ZNF644: variants seen among roughly 807,000 people sequenced by gnomAD.
The protein encoded by ZNF644 is zinc finger protein 644.
Under a neutral mutation model 108.0 loss-of-function variants are expected in ZNF644, and 20 were observed. The observed-to-expected ratio is 0.19, with a 90% CI of 0.13 to 0.27. The LOEUF is 0.27. ZNF644 is among the 10% of genes least tolerant of loss of function. ZNF644 has a pLI of 1.00. For missense variants in ZNF644, 1,338 were observed against 1,548.9 expected (o/e 0.86, Z 2.29); for synonymous variants, 542 against 539.1 (o/e 1.01, Z -0.08).
At chr1:90,989,599 C>CA (rs1175373796) in intron 1 of ZNF644, among the ~76,000 whole-genome samples, 2 of 152,060 alleles carry the variant, frequency 1.3e-5, no homozygotes, top group African/African-American at 4.8e-5. Context: ...TCAGAGAATG[C>CA]AAATCTAAAC....
intron 1 of ZNF644, among the ~76,000 whole-genome samples, chr1:91,008,231 A>G (rs1232362049): frequency 1.3e-5 from 2 of 152,164 alleles, no homozygotes; most frequent in Non-Finnish European, 2.9e-5. Context: ...AATGTCAAAG[A>G]AGAAAACTTG....
intron 1 of ZNF644, among the ~76,000 whole-genome samples, chr1:91,000,735 T>C (rs1471361611): frequency 1.3e-5 from 2 of 152,008 alleles, no homozygotes; most frequent in Non-Finnish European, 2.9e-5. Flanking sequence ...AAAAAATCAA[T>C]GAATCCAGGA....
At position 90,940,189 on chromosome 1, in the gene ZNF644, T is replaced by C. The variant is rs1286883479; in HGVS notation, c.1165A>G (p.Lys389Glu). 2 of 1,613,870 alleles carry C rather than the reference T, an allele frequency of 1.2e-6. No homozygotes were observed. The highest frequency in any genetic ancestry group is 1.7e-6 in the Non-Finnish European group (2 of 1,179,934). ...TSTFLSNTLK[K>E]KCEESDSESP... ...TCAGAATCACTCTCTTCACATTTCTTTTTTAAGGTATTTGAAAGAAAAGTG... is the reference window on the plus strand; with the variant it reads ...TCAGAATCACTCTCTTCACATTTCTCTTTTAAGGTATTTGAAAGAAAAGTG... Residue 389 changes from lysine (K) to glutamate (E), a missense_variant, in exon 3 of 6, where the codon AAG becomes GAG. Transcript: ENST00000337393.
chr1:90,970,626 C>T (rs1655353817), intron 2 of ZNF644, among the ~76,000 whole-genome samples: 1 of 152,040 alleles, frequency 6.6e-6, no homozygotes, highest in South Asian at 2.1e-4. Flanking sequence ...TCTCCTTTGA[C>T]ATTGTAAAGT....
chr1:90,945,084 T>A (rs557623781), intron 2 of ZNF644, among the ~76,000 whole-genome samples: 1 of 152,252 alleles, frequency 6.6e-6, no homozygotes, highest in Admixed American at 6.5e-5. Flanking sequence ...AACAGAGACA[T>A]CAATACCAGT....
intron 2 of ZNF644, among the ~76,000 whole-genome samples, chr1:90,958,571 A>G (rs1478998831): frequency 2.0e-5 from 3 of 152,256 alleles, no homozygotes; most frequent in African/African-American, 4.8e-5. Context: ...ATTTCAGAAC[A>G]CTGATTACAA....
chr1:90,999,586 C>T (rs1212875013), intron 1 of ZNF644, among the ~76,000 whole-genome samples: 1 of 152,128 alleles, frequency 6.6e-6, no homozygotes, highest in Non-Finnish European at 1.5e-5. Context: ...CAAAAACATG[C>T]CCAATTGTAA....
At chr1:90,917,959 C>T in intron 5 of ZNF644, 93 bp downstream of exon 5, 2 of 1,065,208 alleles carry the variant, frequency 1.9e-6, no homozygotes, top group Non-Finnish European at 2.9e-6. Flanking sequence ...AGAATGCACT[C>T]TGCCACAAAT....
chr1:90,971,620 A>G (rs1003708141), intron 2 of ZNF644, among the ~76,000 whole-genome samples: 6 of 152,084 alleles, frequency 3.9e-5, no homozygotes, highest in Non-Finnish European at 7.4e-5. Context: ...GGATTTCACC[A>G]TATTGACTAG....
chr1:90,962,000 T>G (rs2101137100), intron 2 of ZNF644, among the ~76,000 whole-genome samples: 1 of 152,142 alleles, frequency 6.6e-6, no homozygotes, highest in East Asian at 1.9e-4. Context: ...ACAAATAACC[T>G]GACATAATCA....
At chr1:90,922,212 T>G (rs1649527892) in intron 4 of ZNF644, among the ~76,000 whole-genome samples, 1 of 152,162 alleles carries the variant, frequency 6.6e-6, no homozygotes, top group Admixed American at 6.5e-5. Context: ...GTATTTTTAT[T>G]TGTAATCATT....
chr1:90,915,694 T>C lies in ZNF644; in HGVS notation c.*1104A>G, dbSNP rs1346693758. On this transcript the variant is annotated 3_prime_UTR_variant, in exon 6 of 6. Transcript: ENST00000337393. ...AATTCTGTTATGTCGGTTCTTAGCA[T>C]GAGCATAGTGTTACACGATTTTCGT... The C allele has an allele frequency of 2.0e-5, 3 of 152,644 alleles. No homozygotes were observed. The highest frequency in any genetic ancestry group is 1.3e-4 in the Admixed American group (2 of 15,288). The allele number at this position is 152,644 out of a possible 1,614,324, so 9.5% of individuals were successfully genotyped here. A position where few individuals can be genotyped will look rare whatever the true frequency, so the allele number is the denominator to read the frequency against.
chr1:90,922,229 T>C (rs1294900666), intron 4 of ZNF644, among the ~76,000 whole-genome samples: 5 of 152,192 alleles, frequency 3.3e-5, no homozygotes, highest in Non-Finnish European at 7.3e-5. Context: ...CATTCTCACC[T>C]GCCCAATAAC....
Position 90,982,304 on chromosome 1 carries a change from A to G in ZNF644, c.44+6T>C. 1 of 1,607,022 alleles carries G rather than the reference A, an allele frequency of 6.2e-7. No homozygotes were observed. The highest frequency in any genetic ancestry group is 2.2e-5 in the East Asian group (1 of 44,686). On this transcript the variant is annotated splice_donor_region_variant and intron_variant, in intron 2 of 5. Coordinates refer to ENST00000337393, the MANE Select transcript of ZNF644 (RefSeq NM_201269.3). ...TGTACATTTAACAAAGCAGTCTTCT[A>G]CTTACCTAGATTTTGTCTTATTAAC...
intron 1 of ZNF644, among the ~76,000 whole-genome samples, chr1:90,999,619 A>G (rs1422068979): frequency 6.6e-6 from 1 of 152,218 alleles, no homozygotes; most frequent in African/African-American, 2.4e-5. Context: ...CAAGGAAGAA[A>G]CTGCATCAAC....
rs899540234 is a variant in ZNF644 at position 90,988,178 on chromosome 1, T to C, written c.-17-5808A>G. On this transcript the variant is annotated intron_variant, in intron 1 of 5. Coordinates refer to ENST00000337393, the MANE Select transcript of ZNF644 (RefSeq NM_201269.3). ...CTTAAATTTTCAAGAAAAAAAATGT[T>C]AGAAGTAATCATTTCAGCAAAGTTA... is the stretch of plus-strand genomic sequence containing the variant. Among the ~76,000 whole-genome samples the C allele has an allele frequency of 2.0e-5, 3 of 152,056 alleles. No homozygotes were observed. In the East Asian group the frequency reaches 5.8e-4, roughly 29 times the overall value.
intron 1 of ZNF644, among the ~76,000 whole-genome samples, chr1:91,016,229 AC>A (rs1660422112): frequency 1.3e-5 from 2 of 152,156 alleles, no homozygotes. Context: ...ATTGGGAATT[AC>A]CCCTCTCCTC....
chr1:90,963,933 T>A (rs1278099664), intron 2 of ZNF644, among the ~76,000 whole-genome samples: 1 of 152,108 alleles, frequency 6.6e-6, no homozygotes, highest in South Asian at 2.1e-4. Context: ...TTTAAATTTT[T>A]AAAAAGACAC....
At position 90,916,772 on chromosome 1, in the gene ZNF644, C is replaced by G; in HGVS notation, c.*26G>C. 1 of 1,612,000 alleles carries G rather than the reference C, an allele frequency of 6.2e-7. No homozygotes were observed. Among genetic ancestry groups the G allele is most frequent in the Non-Finnish European group, 8.5e-7 (1 of 1,178,436 alleles). ...ATTTCAAATTTACATCCAATTCAAA[C>G]TGGCTATTTAAAAGGTTTCCTGGTT... On this transcript the variant is annotated 3_prime_UTR_variant, in exon 6 of 6. Transcript: ENST00000337393.
Sources: allele counts gnomAD v4.1 joint callset (sites outside exome capture counted in the v4.1 genomes callset), GRCh38; gene constraint gnomAD v4.1.1; transcripts MANE v1.5; gene names NCBI Gene and HGNC (gene_info 2026-07-23, HGNC 2026-07-21).